Variants in POC1B observed in about 807,000 individuals in gnomAD.
The protein encoded by POC1B is POC1 centriolar protein B.
Under a neutral mutation model 60.6 loss-of-function variants are expected in POC1B, and 44 were observed. The observed-to-expected ratio is 0.73, with a 90% confidence interval of 0.57 to 0.93. POC1B has a LOEUF of 0.93. Among genes scored for constraint, POC1B ranks in the 40% least tolerant of loss-of-function variants. The pLI is 0.00. For missense variants in POC1B, 555 were observed against 572.3 expected, an observed-to-expected ratio of 0.97 and a Z score of 0.31; for synonymous variants, 180 against 198.9, an observed-to-expected ratio of 0.90 and a Z score of 0.80.
the POC1B span, among the ~76,000 whole-genome samples, chr12:89,409,970 C>T: frequency 5.3e-5 from 8 of 152,154 alleles, no homozygotes; most frequent in Non-Finnish European, 1.2e-4. Flanking sequence ...CCAGCATCAT[C>T]CTAATACCAA....
At chr12:89,502,984 T>C (rs1869655442) in intron 2 of POC1B, among the ~76,000 whole-genome samples, 1 of 152,204 alleles carries the variant, frequency 6.6e-6, no homozygotes, top group Non-Finnish European at 1.5e-5. Context: ...TATATGTATA[T>C]GTGAAAAAGT....
At chr12:89,521,949 GTTTAC>G (rs1391813146) in intron 2 of POC1B, 1 of 398,754 alleles carries the variant, frequency 2.5e-6, no homozygotes, top group Non-Finnish European at 4.4e-6. Context: ...CTTCAATTGT[GTTTAC>G]TTTAAATGAT....
At chr12:89,481,940 T>C (rs1565743718) in intron 4 of POC1B, among the ~76,000 whole-genome samples, 1 of 152,084 alleles carries the variant, frequency 6.6e-6, no homozygotes, top group Admixed American at 6.6e-5. Context: ...AATCTCTTTA[T>C]CTCTTTGGGC....
At chr12:89,429,077 A>C (rs545267872) in intron 10 of POC1B, 4 of 152,342 alleles carry the variant, frequency 2.6e-5, no homozygotes, top group African/African-American at 9.6e-5. Context: ...TAGTATAGAA[A>C]GGACAATAGG....
intron 10 of POC1B, chr12:89,426,141 A>T (rs1455623420): frequency 6.6e-6 from 1 of 152,244 alleles, no homozygotes; most frequent in Non-Finnish European, 1.5e-5. Flanking sequence ...ACACAAAAGG[A>T]CAAAGACTAT....
chr12:89,523,030 G>A (rs769719685), intron 2 of POC1B: 1 of 1,613,744 alleles, frequency 6.2e-7, no homozygotes, highest in Non-Finnish European at 8.5e-7. Context: ...TTTTTGCTCA[G>A]GTACCTCTGC....
intron 10 of POC1B, among the ~76,000 whole-genome samples, chr12:89,430,963 T>A (rs1881005262): frequency 6.6e-6 from 1 of 152,118 alleles, no homozygotes. Flanking sequence ...AAAATTACAA[T>A]CTTAAATGCC....
chr12:89,471,005 A>G (rs552098980), intron 6 of POC1B, among the ~76,000 whole-genome samples: 1 of 152,308 alleles, frequency 6.6e-6, no homozygotes, highest in African/African-American at 2.4e-5. Context: ...GGAAGACCTA[A>G]GTAGTTCTAT....
chr12:89,463,369 A>G (rs1430521333), intron 9 of POC1B, among the ~76,000 whole-genome samples: 1 of 152,192 alleles, frequency 6.6e-6, no homozygotes, highest in Admixed American at 6.5e-5. Context: ...GAGTGGCTCT[A>G]CTGTCTTCTC....
intron 10 of POC1B, chr12:89,426,902 T>G (rs1385331051): frequency 6.6e-6 from 1 of 151,840 alleles, no homozygotes; most frequent in Non-Finnish European, 1.5e-5. Context: ...ATAAAAGATC[T>G]AAACAAATAA....
At position 89,474,548 on chromosome 12, in the gene POC1B, C is replaced by G. The variant is rs1432360963; in HGVS notation, c.453-2273G>C. 2.6e-5 allele frequency among the ~76,000 whole-genome samples: 4 copies of G among 152,134 alleles called. No homozygotes were observed. The East Asian group carries it at 7.7e-4, about 29-fold the overall frequency. The stretch of plus-strand genomic sequence containing the variant: ...ATGTAGCAACTCATTTAATTTTCAG[C>G]ATAACCCAGTAAAACAGGTGCTACT... On this transcript the variant is annotated intron_variant, in intron 4 of 11. Transcript: ENST00000313546.
Position 89,481,613 on chromosome 12 carries a change from A to C in POC1B, c.453-9338T>G, listed in dbSNP as rs373995702. The stretch of plus-strand genomic sequence containing the variant: ...CAAGAGAAGATTTACGAAAAGCAGA[A>C]TCCCCAAAAATTCTGCATTGGAAAA... On this transcript the variant is annotated intron_variant, in intron 4 of 11. Transcript: ENST00000313546. Among the ~76,000 whole-genome samples, 20 of 152,304 alleles carry C rather than the reference A, an allele frequency of 1.3e-4. No individual in the cohort carries two copies. The South Asian group carries it at 3.9e-3, about 30-fold the overall frequency.
intron 10 of POC1B, among the ~76,000 whole-genome samples, chr12:89,430,589 TACCACCACCCTTTCC>T (rs1399999998): frequency 6.6e-6 from 1 of 152,198 alleles, no homozygotes; most frequent in Non-Finnish European, 1.5e-5. Flanking sequence ...TCTCTCCTTC[TACCACCACCCTTTCC>T]ACCACCCACC....
chr12:89,447,445 CA>C (rs1456279675), intron 10 of POC1B, among the ~76,000 whole-genome samples: 1 of 151,974 alleles, frequency 6.6e-6, no homozygotes, highest in African/African-American at 2.4e-5. Flanking sequence ...CGGAACTGTA[CA>C]AAAAGTACAC....
chr12:89,525,222 C>T lies in POC1B; in HGVS notation c.16-18G>A. ...GGGTCCTCCTGGAAAGGAAAGTTGTCAAGTTTTGAAAGCCGCCGCAGACCT... is the reference window on the plus strand; with the variant it reads ...GGGTCCTCCTGGAAAGGAAAGTTGTTAAGTTTTGAAAGCCGCCGCAGACCT... On this transcript the variant is annotated intron_variant, in intron 1 of 11. Coordinates refer to ENST00000313546, the MANE Select transcript of POC1B (RefSeq NM_172240.3). 2 of 1,598,746 alleles carry T rather than the reference C, an allele frequency of 1.3e-6. No homozygotes were observed. Among genetic ancestry groups the T allele is most frequent in the South Asian group, 1.1e-5 (1 of 90,376 alleles).
rs10777184 is a variant in POC1B at position 89,525,791 on chromosome 12, C to T, written c.15+90G>A. The T allele has an allele frequency of 0.23, 315,669 of 1,382,840 alleles. 37,712 individuals are homozygous for T. Among genetic ancestry groups the T allele is most frequent in the South Asian group, 0.36 (20,927 of 58,284 alleles). 85.7% of individuals were successfully genotyped at this position (1,382,840 alleles called of 1,614,324 possible). Reference sequence around the variant, plus strand: ...GCTACGGACACCTGCCTCCATCTCCCTCCAGGTGCGGCTTCGGCCCGGACC... The same window carrying T: ...GCTACGGACACCTGCCTCCATCTCCTTCCAGGTGCGGCTTCGGCCCGGACC... On this transcript the variant is annotated intron_variant, in intron 1 of 11. Transcript: ENST00000313546.
chr12:89,428,976 T>C (rs555943230), intron 10 of POC1B: 40 of 152,248 alleles, frequency 2.6e-4, no homozygotes, highest in Middle Eastern at 3.4e-3. Flanking sequence ...GCCACAAATA[T>C]TATTAATCAT....
intron 2 of POC1B, among the ~76,000 whole-genome samples, chr12:89,516,569 C>T (rs983074656): frequency 1.3e-5 from 2 of 152,082 alleles, no homozygotes; most frequent in African/African-American, 4.8e-5. Context: ...CATGTTATTC[C>T]CTTACTAATC....
intron 2 of POC1B, chr12:89,502,455 G>A: frequency 4.1e-6 from 5 of 1,219,990 alleles, no homozygotes; most frequent in South Asian, 2.5e-5. Context: ...CTAAAAGGAA[G>A]GCAAGAGAAA....
Sources: allele counts gnomAD v4.1 joint callset (sites outside exome capture counted in the v4.1 genomes callset), GRCh38; gene constraint gnomAD v4.1.1; transcripts MANE v1.5; gene names NCBI Gene and HGNC (gene_info 2026-07-23, HGNC 2026-07-21).